The following SPECC1L variants were observed in gnomAD, a reference collection of about 807,000 sequenced individuals.
SPECC1L encodes the protein cytospin-A.
Under a neutral mutation model 116.8 loss-of-function variants are expected in SPECC1L, and 40 were observed. That is an observed-to-expected ratio of 0.34 (90% CI 0.27 to 0.45). SPECC1L has a LOEUF of 0.45. Among genes scored for constraint, SPECC1L ranks in the 20% least tolerant of loss-of-function variants. The pLI, the probability that SPECC1L is intolerant of heterozygous loss-of-function variation, is 1.00. For synonymous variants in SPECC1L, 504 were observed against 500.6 expected, an observed-to-expected ratio of 1.01 and a Z score of -0.09; for missense variants, 1,110 against 1,373.6, an observed-to-expected ratio of 0.81 and a Z score of 3.03.
chr22:24,316,856 C>T (rs1452965577), intron 4 of SPECC1L, among the ~76,000 whole-genome samples: 3 of 133,878 alleles, frequency 2.2e-5, no homozygotes, highest in African/African-American at 5.5e-5. Flanking sequence ...TAGGGGCGGC[C>T]GGGCAGAGGC....
Position 24,338,603 on chromosome 22 carries a change from ATT to A in SPECC1L, c.2652+128_2652+129del, listed in dbSNP as rs1430237636. ...CTACCTCAGCAGGGATGTATCTAGA[ATT>A]TGTTTCCTAAAATACTATAAATATC... On this transcript the variant is annotated intron_variant, in intron 10 of 16. Coordinates refer to ENST00000314328, the MANE Select transcript of SPECC1L (RefSeq NM_015330.6). The A allele has an allele frequency of 6.6e-6, 5 of 752,578 alleles. No individual in the cohort carries two copies. In the East Asian group the frequency reaches 1.4e-4, roughly 20 times the overall value. The allele number at this position is 752,578 out of a possible 1,614,324, so 46.6% of individuals were successfully genotyped here.
intron 14 of SPECC1L, among the ~76,000 whole-genome samples, chr22:24,390,620 G>T (rs191222737): frequency 1.3e-5 from 2 of 152,214 alleles, no homozygotes; most frequent in Admixed American, 1.3e-4. Context: ...TGAACAAAGG[G>T]GAACAAGAAT....
intron 4 of SPECC1L, among the ~76,000 whole-genome samples, chr22:24,318,314 C>T (rs1221608618): frequency 2.0e-5 from 3 of 152,246 alleles, no homozygotes; most frequent in Non-Finnish European, 4.4e-5. Context: ...CGGTTAGGAG[C>T]TGGAGACCAG....
intron 11 of SPECC1L, among the ~76,000 whole-genome samples, chr22:24,355,975 C>T (rs2041525000): frequency 6.6e-6 from 1 of 152,228 alleles, no homozygotes; most frequent in South Asian, 2.1e-4. Flanking sequence ...CTTCATGCTG[C>T]CCCTTTGTAG....
At chr22:24,366,628 A>G (rs1168795283) in intron 13 of SPECC1L, among the ~76,000 whole-genome samples, 2 of 152,206 alleles carry the variant, frequency 1.3e-5, no homozygotes, top group Admixed American at 1.3e-4. Context: ...CAGATTTTTC[A>G]TAAAGAAAGG....
chr22:24,410,792 T>A (rs1347625460), intron 14 of SPECC1L, among the ~76,000 whole-genome samples: 2 of 152,180 alleles, frequency 1.3e-5, no homozygotes, highest in Admixed American at 1.3e-4. Flanking sequence ...GGTATCTTCA[T>A]GTGTGGGCGC....
chr22:24,390,135 TAAAA>T (rs397961386), intron 14 of SPECC1L, among the ~76,000 whole-genome samples: 2 of 135,596 alleles, frequency 1.5e-5, no homozygotes, highest in African/African-American at 5.4e-5. Flanking sequence ...CCCCAACCCT[TAAAA>T]AAAAAAAAAA....
intron 14 of SPECC1L, among the ~76,000 whole-genome samples, chr22:24,386,047 G>T (rs2042154710): frequency 6.6e-6 from 1 of 151,182 alleles, no homozygotes; most frequent in Non-Finnish European, 1.5e-5. Flanking sequence ...AAATGGAGGG[G>T]AAAATGTGAT....
chr22:24,368,805 C>T lies in SPECC1L; in HGVS notation c.2985-413C>T, dbSNP rs576666217. Among the ~76,000 whole-genome samples, 3 of 152,264 alleles carry T rather than the reference C, an allele frequency of 2.0e-5. No homozygotes were observed. In the East Asian group the frequency reaches 5.8e-4, roughly 29 times the overall value. ...GGGATTACAGACACCCGCCACCATG[C>T]CCAGCTAATTTTTATATTTTTATTA... On this transcript the variant is annotated intron_variant, in intron 13 of 16. Coordinates refer to ENST00000314328, the MANE Select transcript of SPECC1L (RefSeq NM_015330.6).
At chr22:24,314,393 T>C (rs546961230) in intron 4 of SPECC1L, among the ~76,000 whole-genome samples, 1 of 152,346 alleles carries the variant, frequency 6.6e-6, no homozygotes, top group South Asian at 2.1e-4. Flanking sequence ...CCATTATCAG[T>C]CCTTGAAATA....
chr22:24,320,895 C>A (rs1180541533), intron 4 of SPECC1L, among the ~76,000 whole-genome samples: 1 of 152,230 alleles, frequency 6.6e-6, no homozygotes, highest in Non-Finnish European at 1.5e-5. Context: ...TTACCACCGA[C>A]TGGCTAATCC....
chr22:24,367,133 GCAGTGAGCGAGATCGTGCGACTGCACTCC>G (rs1470788723), intron 13 of SPECC1L, among the ~76,000 whole-genome samples: 16 of 152,214 alleles, frequency 1.1e-4, no homozygotes, highest in African/African-American at 3.4e-4. Flanking sequence ...GCCAGAGTAT[GCAGTGAGCGAGATCGTGCGACTGCACTCC>G]AGCCTGGGCT....
Position 24,365,499 on chromosome 22 carries a change from G to A in SPECC1L, c.2851G>A (p.Val951Met), listed in dbSNP as rs204718. The A allele has an allele frequency of 1, 1,614,132 of 1,614,184 alleles. 807,040 individuals carry two copies. The highest frequency in any genetic ancestry group is 1 in the Non-Finnish European group (1,180,044 of 1,180,044). The change falls in exon 13 of 17, where the codon GTG (valine) becomes ATG (methionine). Residue 951 changes from valine to methionine, a missense_variant. Val to Met is a conservative substitution (Grantham distance 21). Around this residue, in one of 4 missense-constraint regions of SPECC1L, gnomAD observed 575 missense variants for 682.4 expected, o/e 0.84. Coordinates refer to ENST00000314328, the MANE Select transcript of SPECC1L (RefSeq NM_015330.6). The part of the protein sequence containing the change: ...LSVSRRSSEE[V>M]KRDISAQEGA... ...AGTGTCTCGACGAAGTAGTGAAGAA[G>A]TGAAACGGGACATTTCTGCACAGGA...
chr22:24,276,389 C>A (rs147863324), intron 1 of SPECC1L, among the ~76,000 whole-genome samples: 1 of 152,122 alleles, frequency 6.6e-6, no homozygotes, highest in African/African-American at 2.4e-5. Context: ...CTAGGGATCA[C>A]ACCACTGTTC....
intron 12 of SPECC1L, 120 bp downstream of exon 12, chr22:24,363,464 C>G: frequency 1.2e-6 from 1 of 865,520 alleles, no homozygotes. Flanking sequence ...TGGCCTCAAG[C>G]TGTCCTCTCA....
intron 14 of SPECC1L, among the ~76,000 whole-genome samples, chr22:24,403,570 G>T (rs1397269960): frequency 6.6e-6 from 1 of 152,076 alleles, no homozygotes; most frequent in Non-Finnish European, 1.5e-5. Flanking sequence ...AGCTGTCTCT[G>T]TAGGAATCAG....
intron 11 of SPECC1L, among the ~76,000 whole-genome samples, chr22:24,357,518 G>T (rs548891447): frequency 3.3e-5 from 5 of 152,236 alleles, no homozygotes; most frequent in African/African-American, 1.2e-4. Flanking sequence ...TGGGTATGTT[G>T]GCTTTTTCTT....
chr22:24,387,367 G>A (rs2042180609), intron 14 of SPECC1L, among the ~76,000 whole-genome samples: 1 of 152,140 alleles, frequency 6.6e-6, no homozygotes, highest in African/African-American at 2.4e-5. Context: ...CTATTATGAT[G>A]TCAGAATAGT....
intron 14 of SPECC1L, among the ~76,000 whole-genome samples, chr22:24,390,433 TC>T (rs1267606160): frequency 6.6e-6 from 1 of 152,168 alleles, no homozygotes; most frequent in Non-Finnish European, 1.5e-5. Flanking sequence ...AGGAATTACT[TC>T]CCAGAGTTAA....
Sources: gnomAD v4.1 joint callset for allele counts (sites outside exome capture counted in the v4.1 genomes callset) on GRCh38, gnomAD v4.1.1 for gene constraint, gnomAD v4.1.1 regional missense constraint, MANE v1.5 for transcripts, NCBI Gene and HGNC (gene_info 2026-07-23, HGNC 2026-07-21) for gene names.